MRAS: variants seen among roughly 807,000 people sequenced by gnomAD.
MRAS encodes the protein muscle RAS oncogene homolog, also known as ras-related protein M-Ras.
MRAS carries 4 observed loss-of-function variants against 20.9 expected under a neutral mutation model. That is an observed-to-expected ratio of 0.19 (90% CI 0.09 to 0.44). The LOEUF (loss-of-function observed/expected upper bound fraction) is 0.44. Ranked by LOEUF, MRAS falls within the 20% of genes least tolerant of loss-of-function variation. MRAS has a pLI of 0.99. For synonymous variants in MRAS, 98 were observed against 102.9 expected (o/e 0.95, Z 0.29); for missense variants, 154 against 277.5 (o/e 0.56, Z 3.16).
chr3:138,387,698 A>G (rs906135301), intron 2 of MRAS, among the ~76,000 whole-genome samples: 6 of 152,106 alleles, frequency 3.9e-5, no homozygotes, highest in Non-Finnish European at 8.8e-5. Context: ...CTCTAGTTAC[A>G]CAGCTGAGAT....
intron 2 of MRAS, among the ~76,000 whole-genome samples, chr3:138,389,209 T>C (rs928223029): frequency 2.6e-5 from 4 of 152,074 alleles, no homozygotes; most frequent in African/African-American, 7.2e-5. Context: ...TTTAACCCAG[T>C]GATGGCATTT....
chr3:138,398,306 C>T (rs2055283147), intron 3 of MRAS, among the ~76,000 whole-genome samples, 163 bp from the exon 4 acceptor site: 1 of 152,236 alleles, frequency 6.6e-6, no homozygotes, highest in African/African-American at 2.4e-5. Context: ...TCCCCCAAGC[C>T]CTGACCTCTC....
At chr3:138,354,327 T>C (rs1378413881) in intron 1 of MRAS, among the ~76,000 whole-genome samples, 2 of 152,228 alleles carry the variant, frequency 1.3e-5, no homozygotes, top group Admixed American at 6.5e-5. Flanking sequence ...CCATTTTGTC[T>C]GCACTTGATC....
intron 2 of MRAS, among the ~76,000 whole-genome samples, chr3:138,379,688 A>C (rs1324966035): frequency 6.6e-6 from 1 of 152,150 alleles, no homozygotes; most frequent in Non-Finnish European, 1.5e-5. Flanking sequence ...ATAATATTCT[A>C]TTGTGTATAT....
intron 1 of MRAS, among the ~76,000 whole-genome samples, chr3:138,365,669 G>A (rs1192264752): frequency 6.6e-6 from 1 of 152,212 alleles, no homozygotes; most frequent in African/African-American, 2.4e-5. Flanking sequence ...CCGTTCCTAT[G>A]GAAAAGGATG....
At chr3:138,394,352 C>T (rs778033602) in intron 2 of MRAS, among the ~76,000 whole-genome samples, 9 of 152,162 alleles carry the variant, frequency 5.9e-5, no homozygotes, top group African/African-American at 1.7e-4. Flanking sequence ...GCTTTTATGC[C>T]CTGGGCACCT....
intron 2 of MRAS, among the ~76,000 whole-genome samples, chr3:138,374,254 A>T (rs571546966): frequency 6.6e-6 from 1 of 152,282 alleles, no homozygotes; most frequent in African/African-American, 2.4e-5. Context: ...GGCATGAACC[A>T]CCACGCCTGG....
chr3:138,391,328 T>A (rs1382716914), intron 2 of MRAS, among the ~76,000 whole-genome samples: 1 of 152,244 alleles, frequency 6.6e-6, no homozygotes, highest in African/African-American at 2.4e-5. Flanking sequence ...TCAACTGTGA[T>A]TTCTGCTTTT....
At chr3:138,365,860 C>T (rs2054548755) in intron 1 of MRAS, among the ~76,000 whole-genome samples, 1 of 152,222 alleles carries the variant, frequency 6.6e-6, no homozygotes, top group Non-Finnish European at 1.5e-5. Context: ...GGGGGAGCAG[C>T]ACCCATGCCA....
chr3:138,398,988 T>A (rs984177516), intron 4 of MRAS, among the ~76,000 whole-genome samples: 4 of 152,238 alleles, frequency 2.6e-5, no homozygotes, highest in Admixed American at 6.5e-5. Context: ...TGTGCAGGGA[T>A]GCACGTTGTC....
intron 1 of MRAS, among the ~76,000 whole-genome samples, chr3:138,359,932 TAATAA>T (rs2054410855): frequency 6.6e-6 from 1 of 152,220 alleles, no homozygotes; most frequent in African/African-American, 2.4e-5. Flanking sequence ...GTATTTAAAA[TAATAA>T]AATAGCCAGA....
chr3:138,376,870 G>A (rs2054793715), intron 2 of MRAS, among the ~76,000 whole-genome samples: 1 of 152,186 alleles, frequency 6.6e-6, no homozygotes, highest in South Asian at 2.1e-4. Flanking sequence ...GTTCCATAGA[G>A]AACATTCTGA....
chr3:138,353,010 A>G (rs540176703), intron 1 of MRAS, among the ~76,000 whole-genome samples: 2 of 152,276 alleles, frequency 1.3e-5, no homozygotes, highest in South Asian at 2.1e-4. Context: ...TATTCAAGCA[A>G]CCTTCGGAGG....
chr3:138,366,307 C>T (rs1414792659), intron 1 of MRAS, among the ~76,000 whole-genome samples: 1 of 152,160 alleles, frequency 6.6e-6, no homozygotes, highest in Non-Finnish European at 1.5e-5. Flanking sequence ...GATTAGCTTC[C>T]CAGGTCTAAT....
chr3:138,396,217 C>T (rs961874605), intron 2 of MRAS, among the ~76,000 whole-genome samples: 1 of 152,202 alleles, frequency 6.6e-6, no homozygotes, highest in South Asian at 2.1e-4. Flanking sequence ...GCTTTTGTGC[C>T]AGGCACTGCA....
intron 1 of MRAS, among the ~76,000 whole-genome samples, chr3:138,364,506 A>G (rs550044454): frequency 1.3e-5 from 2 of 152,248 alleles, no homozygotes; most frequent in African/African-American, 2.4e-5. Context: ...GGCTGTCTGC[A>G]TAGCTCAAGC....
intron 2 of MRAS, among the ~76,000 whole-genome samples, chr3:138,393,486 A>T (rs546234027): frequency 2.6e-5 from 4 of 152,230 alleles, no homozygotes; most frequent in Non-Finnish European, 4.4e-5. Context: ...AGCCTGGGTG[A>T]TATAATTTCT....
At chr3:138,369,996 G>T (rs1021260467) in intron 1 of MRAS, among the ~76,000 whole-genome samples, 1 of 152,030 alleles carries the variant, frequency 6.6e-6, no homozygotes, top group Non-Finnish European at 1.5e-5. Flanking sequence ...TAGTTATGTC[G>T]CTGCCAGCAG....
chr3:138,384,282 A>T (rs1448553708), intron 2 of MRAS, among the ~76,000 whole-genome samples: 1 of 152,156 alleles, frequency 6.6e-6, no homozygotes, highest in Admixed American at 6.5e-5. Context: ...GAGTGAGAAG[A>T]GCTCACTCTG....
Sources: allele counts gnomAD v4.1 joint callset (sites outside exome capture counted in the v4.1 genomes callset), GRCh38; gene constraint gnomAD v4.1.1; transcripts MANE v1.5; gene names NCBI Gene and HGNC (gene_info 2026-07-23, HGNC 2026-07-21).